VPS13B: variants seen among roughly 807,000 people sequenced by gnomAD.
VPS13B encodes intermembrane lipid transfer protein VPS13B.
In VPS13B, 285 loss-of-function variants were observed where a neutral mutation model predicts 426.4. That is an observed-to-expected ratio of 0.67 (90% confidence interval 0.61 to 0.74). VPS13B has a LOEUF of 0.74. Ranked by LOEUF, VPS13B falls within the 30% of genes least tolerant of loss-of-function variation. VPS13B has a pLI of 0.00. For synonymous variants in VPS13B, 1,676 were observed against 1,676.4 expected (o/e 1.00, Z 0.01); for missense variants, 4,537 against 4,782.6 (o/e 0.95, Z 1.51).
chr8:99,808,425 A>C (rs1209031701), intron 43 of VPS13B, among the ~76,000 whole-genome samples: 1 of 151,200 alleles, frequency 6.6e-6, no homozygotes, highest in Non-Finnish European at 1.5e-5. Context: ...CTGAGGCAAG[A>C]GAATCGCTTG....
intron 47 of VPS13B, 86 bp downstream of exon 47, chr8:99,818,974 GAGGGGT>G: frequency 1.3e-6 from 1 of 753,908 alleles, no homozygotes; most frequent in Non-Finnish European, 2.2e-6. Context: ...GGCGGCGGGG[GAGGGGT>G]GGGTAGGGAG....
intron 17 of VPS13B, among the ~76,000 whole-genome samples, chr8:99,267,666 G>A (rs1168750589): frequency 6.6e-6 from 1 of 151,820 alleles, no homozygotes; most frequent in Non-Finnish European, 1.5e-5. Flanking sequence ...GTCTGAGGTT[G>A]CAGTGAGCTG....
Position 99,817,755 on chromosome 8 carries a change from A to G in VPS13B, c.8313A>G (p.Arg2771=). 6.2e-7 allele frequency: 1 copy of G among 1,614,118 alleles called. No individual in the cohort carries two copies. The highest frequency in any genetic ancestry group is 8.5e-7 in the Non-Finnish European group (1 of 1,180,010). Residue 2771 remains arginine (R), a synonymous_variant, in exon 45 of 62, where the codon AGA becomes AGG. Coordinates refer to ENST00000357162, the MANE Select transcript of VPS13B (RefSeq NM_152564.5). ...CCAAAGGAGATGAAGACTGGTCAAG[A>G]GATGTGTGCCTGGAATCCAAAGCCC... ...VKAKGDEDWS[R]DVCLESKAPE...
At chr8:99,574,663 G>A (rs1028099367) in intron 31 of VPS13B, among the ~76,000 whole-genome samples, 11 of 152,090 alleles carry the variant, frequency 7.2e-5, no homozygotes, top group East Asian at 5.8e-4. Flanking sequence ...ATGAAAGCTG[G>A]GAATACATAA....
Position 99,871,619 on chromosome 8 carries a change from C to A in VPS13B, c.11667C>A (p.Ile3889=). The A allele has an allele frequency of 6.2e-7, 1 of 1,614,168 alleles. No individual in the cohort carries two copies. The highest frequency in any genetic ancestry group is 1.1e-5 in the South Asian group (1 of 91,078). Residue 3889 remains isoleucine, a synonymous_variant, in exon 61 of 62, where the codon ATC becomes ATA. Coordinates refer to ENST00000357162, the MANE Select transcript of VPS13B (RefSeq NM_152564.5). The part of the protein sequence containing the change: ...TQQQAFPVTE[I]DCAQDSKQNN... Reference sequence around the variant, plus strand: ...AGCAGGCCTTCCCCGTCACAGAAATCGACTGTGCACAGGACAGCAAGCAGA... The same window carrying A: ...AGCAGGCCTTCCCCGTCACAGAAATAGACTGTGCACAGGACAGCAAGCAGA...
At chr8:99,051,876 A>AT (rs1164016108) in intron 3 of VPS13B, among the ~76,000 whole-genome samples, 2 of 152,134 alleles carry the variant, frequency 1.3e-5, no homozygotes, top group African/African-American at 2.4e-5. Flanking sequence ...TTGCACATTG[A>AT]TTTTGTATCC....
chr8:99,367,136 T>C (rs1409603971), intron 19 of VPS13B, among the ~76,000 whole-genome samples: 6 of 152,218 alleles, frequency 3.9e-5, no homozygotes, highest in African/African-American at 1.2e-4. Flanking sequence ...TTAATGTCCT[T>C]TTCTTTCTGA....
chr8:99,014,110 CTTTTT>C (rs1211028912), intron 2 of VPS13B, among the ~76,000 whole-genome samples, 175 bp downstream of exon 2: 13 of 72,306 alleles, frequency 1.8e-4, no homozygotes, highest in African/African-American at 5.3e-4. Context: ...TTCTTTCTTT[CTTTTT>C]TTTTTTTTTT....
rs563594926 is a variant in VPS13B, at chr8:99,780,337, G to A, written c.7779+1306G>A. Among the ~76,000 whole-genome samples the A allele has an allele frequency of 3.9e-5, 6 of 152,214 alleles. No homozygotes were observed. In the East Asian group the frequency reaches 1.2e-3, roughly 29 times the overall value. On this transcript the variant is annotated intron_variant, in intron 42 of 61. Coordinates refer to ENST00000357162, the MANE Select transcript of VPS13B (RefSeq NM_152564.5). ...GAACATTTAAACCCAGGATATTTTTGTCTTGGTATCAGAACCATTATAAGG... is the reference window on the plus strand; with the variant it reads ...GAACATTTAAACCCAGGATATTTTTATCTTGGTATCAGAACCATTATAAGG...
At chr8:99,327,692 T>C (rs1024052068) in intron 19 of VPS13B, among the ~76,000 whole-genome samples, 2 of 152,178 alleles carry the variant, frequency 1.3e-5, no homozygotes, top group Non-Finnish European at 2.9e-5. Context: ...CTGCCCACTT[T>C]ACAGATGACT....
chr8:99,110,448 A>G (rs965854680), intron 5 of VPS13B, among the ~76,000 whole-genome samples: 14 of 151,984 alleles, frequency 9.2e-5, no homozygotes, highest in Admixed American at 3.3e-4. Context: ...TGATTTCTTT[A>G]TTAATTAATG....
Position 99,151,230 on chromosome 8 carries a change from T to C in VPS13B, c.2013+3220T>C, listed in dbSNP as rs142757147. Reference sequence around the variant, plus strand: ...GCCCATTTTTTAAGAGTTGTTTGTTTTCTTAATATTGAATTTTAAGGATTC... The same window carrying C: ...GCCCATTTTTTAAGAGTTGTTTGTTCTCTTAATATTGAATTTTAAGGATTC... On this transcript the variant is annotated intron_variant, in intron 14 of 61. Coordinates refer to ENST00000357162, the MANE Select transcript of VPS13B (RefSeq NM_152564.5). 3.2e-3 allele frequency among the ~76,000 whole-genome samples: 482 copies of C among 152,332 alleles called. 2 individuals carry two copies. Among genetic ancestry groups the C allele is most frequent in the African/African-American group, 0.01 (426 of 41,568 alleles).
rs764369214 is a variant in VPS13B, at chr8:99,431,661, A to G, written c.3207A>G (p.Leu1069=). ...GGAATGCAGTGAAGCATCTCACACT[A>G]CAGGTAAAATAAAAGTTAGAAATAT... ...IVWNAVKHLT[L]QLEVQSCCVF... is the part of the protein sequence containing the mutation. The change falls in exon 22 of 62, where the codon CTA becomes CTG. Residue 1069 remains leucine (L), a synonymous_variant. Coordinates refer to ENST00000357162, the MANE Select transcript of VPS13B (RefSeq NM_152564.5). 6.2e-7 allele frequency: 1 copy of G among 1,612,802 alleles called. No individual in the cohort carries two copies. The highest frequency in any genetic ancestry group is 1.7e-5 in the Admixed American group (1 of 59,964).
At chr8:99,387,345 G>A (rs973065125) in intron 20 of VPS13B, among the ~76,000 whole-genome samples, 5 of 151,954 alleles carry the variant, frequency 3.3e-5, no homozygotes, top group South Asian at 2.1e-4. Flanking sequence ...AGCCTCCTGA[G>A]TAGCAGGGAC....
At chr8:99,700,877 G>T (rs1056969572) in intron 36 of VPS13B, among the ~76,000 whole-genome samples, 5 of 152,124 alleles carry the variant, frequency 3.3e-5, no homozygotes, top group African/African-American at 1.2e-4. Context: ...TGTAGCAAAA[G>T]GGAACCATGT....
chr8:99,069,053 T>C (rs1376303961), intron 3 of VPS13B, among the ~76,000 whole-genome samples: 3 of 152,198 alleles, frequency 2.0e-5, no homozygotes, highest in Non-Finnish European at 2.9e-5. Context: ...AAATTATATA[T>C]ATTTTTCTAG....
At chr8:99,038,620 A>T (rs753558715) in intron 3 of VPS13B, 54 bp downstream of exon 3, 100 of 1,502,374 alleles carry the variant, frequency 6.7e-5, no homozygotes, top group Non-Finnish European at 8.9e-5. Flanking sequence ...GTAGTATTTG[A>T]CATTTCTTTA....
At chr8:99,060,286 G>A (rs1178779739) in intron 3 of VPS13B, among the ~76,000 whole-genome samples, 1 of 152,086 alleles carries the variant, frequency 6.6e-6, no homozygotes, top group Non-Finnish European at 1.5e-5. Flanking sequence ...GGGAGATATA[G>A]TGTGTTATAA....
chr8:99,353,195 G>C (rs1011374369), intron 19 of VPS13B, among the ~76,000 whole-genome samples: 2 of 152,012 alleles, frequency 1.3e-5, no homozygotes. Flanking sequence ...TGTTGGCCAG[G>C]CTGTTTTTGA....
Sources: gnomAD v4.1 joint callset for allele counts (sites outside exome capture counted in the v4.1 genomes callset) on GRCh38, gnomAD v4.1.1 for gene constraint, MANE v1.5 for transcripts, NCBI Gene and HGNC (gene_info 2026-07-23, HGNC 2026-07-21) for gene names.